Variants in XRCC5 observed in about 807,000 individuals in gnomAD.
The protein encoded by XRCC5 is DNA repair protein Ku80.
In XRCC5, 12 loss-of-function variants were observed where a neutral mutation model predicts 95.7. The observed-to-expected ratio is 0.13, with a 90% CI of 0.08 to 0.20. XRCC5 has a LOEUF of 0.20. XRCC5 is among the 10% of genes least tolerant of loss of function. The probability of loss-of-function intolerance (pLI) is 1.00; values close to 1 mark genes in which losing one functional copy is unlikely to be tolerated. For missense variants in XRCC5, 595 were observed against 873.9 expected (o/e 0.68, Z 4.02); for synonymous variants, 281 against 290.3 (o/e 0.97, Z 0.33).
intron 16 of XRCC5, among the ~76,000 whole-genome samples, chr2:216,189,450 C>G (rs1383366015): frequency 1.3e-5 from 2 of 152,158 alleles, no homozygotes; most frequent in Admixed American, 6.5e-5. Context: ...TTTAGATTTC[C>G]TTTTTCCTCT....
chr2:216,160,769 G>T (rs1688937994), intron 15 of XRCC5, among the ~76,000 whole-genome samples: 3 of 151,992 alleles, frequency 2.0e-5, no homozygotes, highest in Admixed American at 2.0e-4. Flanking sequence ...ACCCACGCCG[G>T]AGTACAGTAG....
intron 10 of XRCC5, among the ~76,000 whole-genome samples, chr2:216,134,814 C>T (rs1697047111): frequency 6.6e-6 from 1 of 152,204 alleles, no homozygotes; most frequent in South Asian, 2.1e-4. Flanking sequence ...GAAGTAATCT[C>T]TTCCTCAGAT....
At chr2:216,126,999 T>A (rs1271591817) in intron 7 of XRCC5, among the ~76,000 whole-genome samples, 1 of 152,092 alleles carries the variant, frequency 6.6e-6, no homozygotes, top group Non-Finnish European at 1.5e-5. Context: ...TGCCTGTAAT[T>A]CCAGCACTTT....
At chr2:216,125,755 A>G (rs1251452787) in intron 6 of XRCC5, among the ~76,000 whole-genome samples, 162 bp from the exon 7 acceptor site, 1 of 152,202 alleles carries the variant, frequency 6.6e-6, no homozygotes, top group African/African-American at 2.4e-5. Context: ...TGCCCTGGCT[A>G]TATCTCCCAA....
At position 216,161,889 on chromosome 2, in the gene XRCC5, C is replaced by T. The variant is rs779226505; in HGVS notation, c.1765-90C>T. 563 of 1,040,592 alleles carry T rather than the reference C, an allele frequency of 5.4e-4. 1 individual carries two copies. The highest frequency in any genetic ancestry group is 3.1e-3 in the Middle Eastern group (15 of 4,876). The allele number at this position is 1,040,592 out of a possible 1,614,324, so 64.5% of individuals were successfully genotyped here. ...TCTTTGGTTTTATTTTATAAGAGCACACTTATTACATTAAGCCATCTTGTA... is the reference window on the plus strand; with the variant it reads ...TCTTTGGTTTTATTTTATAAGAGCATACTTATTACATTAAGCCATCTTGTA... On this transcript the variant is annotated intron_variant, in intron 15 of 20. Coordinates refer to ENST00000392132, the MANE Select transcript of XRCC5 (RefSeq NM_021141.4).
chr2:216,175,338 T>C, intron 16 of XRCC5: 1 of 465,594 alleles, frequency 2.1e-6, no homozygotes, highest in Non-Finnish European at 4.2e-6. Context: ...CAGCCAAAAT[T>C]ACTTGCACCA....
intron 14 of XRCC5, among the ~76,000 whole-genome samples, chr2:216,149,686 C>T (rs999971929): frequency 6.6e-6 from 1 of 152,274 alleles, no homozygotes; most frequent in East Asian, 1.9e-4. Context: ...ATTTTCTGCT[C>T]TTCCCTTTGA....
rs1322363328 is a variant in XRCC5 at position 216,141,356 on chromosome 2, A to C, written c.1476+37A>C. 3 of 1,612,432 alleles carry C rather than the reference A, an allele frequency of 1.9e-6. No individual in the cohort carries two copies. In the Admixed American group the frequency reaches 5.0e-5, roughly 27 times the overall value. On this transcript the variant is annotated intron_variant, in intron 13 of 20. Transcript: ENST00000392132. ...AGGATGAACAAGTCATATTTCTTTT[A>C]AATGAAAGAGAGCTAAGTGCAAAGT... is the stretch of plus-strand genomic sequence containing the variant.
rs186654853 is a variant in XRCC5, at chr2:216,161,706, G to C, written c.1765-273G>C. Among the ~76,000 whole-genome samples, 22 of 152,342 alleles carry C rather than the reference G, an allele frequency of 1.4e-4. No homozygotes were observed. The East Asian group carries it at 4.1e-3, about 28-fold the overall frequency. On this transcript the variant is annotated intron_variant, in intron 15 of 20. Coordinates refer to ENST00000392132, the MANE Select transcript of XRCC5 (RefSeq NM_021141.4). ...AGCCTTCCAGCTGGGCTGGCTGGTG[G>C]CTTGAGTTGTAATACTTTTTTGACC...
intron 19 of XRCC5, among the ~76,000 whole-genome samples, chr2:216,198,636 A>C (rs1574436899): frequency 6.6e-6 from 1 of 150,926 alleles, no homozygotes; most frequent in Non-Finnish European, 1.5e-5. Flanking sequence ...GCTCACTGCA[A>C]CCTCTGCCTC....
chr2:216,126,086 G>T (rs1696896087), intron 7 of XRCC5, 55 bp downstream of exon 7: 1 of 1,396,840 alleles, frequency 7.2e-7, no homozygotes. Context: ...ATAAATATGT[G>T]TATATAAGGA....
intron 13 of XRCC5, among the ~76,000 whole-genome samples, chr2:216,146,756 T>G (rs1273252324): frequency 1.3e-5 from 2 of 152,196 alleles, no homozygotes; most frequent in Non-Finnish European, 2.9e-5. Context: ...TGTGTAGAAC[T>G]TCACTCACAT....
rs561715815 is a variant in XRCC5 at position 216,202,662 on chromosome 2, A to T, written c.2110-1660A>T. ...CCCAGTTTAGGGTCAACAAAGAGCT[A>T]TGGAAAGATCCATAAATGTCCTTAA... On this transcript the variant is annotated intron_variant, in intron 19 of 20. Transcript: ENST00000392132. Among the ~76,000 whole-genome samples, 65 of 152,352 alleles carry T rather than the reference A, an allele frequency of 4.3e-4. No homozygotes were observed. In the South Asian group the frequency reaches 0.013, roughly 31 times the overall value.
intron 2 of XRCC5, 107 bp from the exon 3 acceptor site, chr2:216,116,552 G>C (rs1574450676): frequency 7.3e-6 from 9 of 1,235,080 alleles, no homozygotes; most frequent in African/African-American, 4.5e-5. Context: ...ATGGCCCCAG[G>C]GACCTGCCAT....
chr2:216,194,512 G>T (rs1362983637), intron 18 of XRCC5, among the ~76,000 whole-genome samples: 6 of 152,232 alleles, frequency 3.9e-5, no homozygotes, highest in Admixed American at 3.9e-4. Flanking sequence ...ATCTAGAGTT[G>T]ATCAAGGAAG....
chr2:216,148,402 C>A, intron 14 of XRCC5, 126 bp downstream of exon 14: 1 of 783,974 alleles, frequency 1.3e-6, no homozygotes, highest in Non-Finnish European at 2.0e-6. Flanking sequence ...AAGCCTTTTG[C>A]TATTTGGCCC....
At chr2:216,116,881 C>T in intron 3 of XRCC5, 39 bp downstream of exon 3, 2 of 1,603,106 alleles carry the variant, frequency 1.2e-6, no homozygotes. Flanking sequence ...AAGAAATTTC[C>T]TTTATTCTGG....
Position 216,109,384 on chromosome 2 carries a change from C to T in XRCC5, c.-53C>T, listed in dbSNP as rs1696542899. 1 of 1,612,770 alleles carries T rather than the reference C, an allele frequency of 6.2e-7. No homozygotes were observed. Among genetic ancestry groups the T allele is most frequent in the Non-Finnish European group, 8.5e-7 (1 of 1,179,406 alleles). ...CTTGTCCACCGGAAGCGAGTTGCGA[C>T]ACGGCAGGTTCCCGCCCGGAAGAAG... On this transcript the variant is annotated 5_prime_UTR_variant, in exon 1 of 21. Transcript: ENST00000392132.
At chr2:216,201,220 A>G (rs1689828266) in intron 19 of XRCC5, among the ~76,000 whole-genome samples, 1 of 152,194 alleles carries the variant, frequency 6.6e-6, no homozygotes, top group Non-Finnish European at 1.5e-5. Flanking sequence ...TTAAGCTACA[A>G]GTGGCATTAA....
Sources: gnomAD v4.1 joint callset for allele counts (sites outside exome capture counted in the v4.1 genomes callset) on GRCh38, gnomAD v4.1.1 for gene constraint, MANE v1.5 for transcripts, NCBI Gene and HGNC (gene_info 2026-07-23, HGNC 2026-07-21) for gene names.